The following PRKD1 variants were observed in gnomAD, a reference collection of about 807,000 sequenced individuals.
The protein encoded by PRKD1 is serine/threonine-protein kinase D1.
A neutral mutation model predicts 95.9 loss-of-function variants in PRKD1; 63 were observed. That is an observed-to-expected ratio of 0.66 (90% CI 0.54 to 0.81). PRKD1 has a LOEUF of 0.81. Ranked by LOEUF, PRKD1 falls within the 30% of genes least tolerant of loss-of-function variation. The probability of loss-of-function intolerance (pLI) is 0.00; values close to 1 mark genes in which losing one functional copy is unlikely to be tolerated. For synonymous variants in PRKD1, 425 were observed against 423.1 expected, an observed-to-expected ratio of 1.00 and a Z score of -0.05; for missense variants, 1,048 against 1,165.3, an observed-to-expected ratio of 0.90 and a Z score of 1.47.
intron 1 of PRKD1, among the ~76,000 whole-genome samples, chr14:29,906,021 A>G (rs967906334): frequency 9.2e-5 from 14 of 152,190 alleles, no homozygotes; most frequent in Non-Finnish European, 2.1e-4. Flanking sequence ...AATTTAAAAC[A>G]CATGAGGTGT....
intron 1 of PRKD1, among the ~76,000 whole-genome samples, chr14:29,920,372 G>A (rs1299479550): frequency 6.6e-6 from 1 of 152,056 alleles, no homozygotes; most frequent in Non-Finnish European, 1.5e-5. Context: ...TAAACAAGGT[G>A]ATGGCGCAAG....
intron 1 of PRKD1, among the ~76,000 whole-genome samples, chr14:29,782,727 T>C (rs898742755): frequency 6.6e-6 from 1 of 151,848 alleles, no homozygotes; most frequent in Non-Finnish European, 1.5e-5. Flanking sequence ...TTTTTTTTGG[T>C]TGAGATGGGG....
At chr14:29,841,422 A>T (rs532570749) in intron 1 of PRKD1, among the ~76,000 whole-genome samples, 2 of 152,270 alleles carry the variant, frequency 1.3e-5, no homozygotes, top group South Asian at 4.1e-4. Context: ...CAATTCCCAC[A>T]TGCTGTGGGA....
chr14:29,856,363 C>T (rs1336156490), intron 1 of PRKD1, among the ~76,000 whole-genome samples: 1 of 152,150 alleles, frequency 6.6e-6, no homozygotes, highest in Non-Finnish European at 1.5e-5. Context: ...TGTTGAAATA[C>T]TTGAATAACT....
At position 29,634,478 on chromosome 14, in the gene PRKD1, C is replaced by G; in HGVS notation, c.1254G>C (p.Arg418Ser). The G allele has an allele frequency of 6.2e-7, 1 of 1,614,058 alleles. No individual in the cohort carries two copies. The highest frequency in any genetic ancestry group is 8.5e-7 in the Non-Finnish European group (1 of 1,179,970). The change falls in exon 8 of 18, where the codon AGG (arginine) becomes AGC (serine). Residue 418 changes from arginine (R) to serine (S), a missense_variant. Physicochemically the swap from Arg to Ser is moderately radical, Grantham distance 110 (BLOSUM62 -1). This residue lies in a region of PRKD1 where 739 missense variants were observed against 861.9 expected (regional missense o/e 0.86). Coordinates refer to ENST00000331968, the MANE Select transcript of PRKD1 (RefSeq NM_002742.3). ...RVVQSVKHTK[R>S]KSSTVMKEGW... ...CTTCTTTCATGACTGTGCTGCTTTT[C>G]CTCTTCGTGTGTTTGACAGACTGCA... is the stretch of plus-strand genomic sequence containing the variant.
intron 1 of PRKD1, among the ~76,000 whole-genome samples, chr14:29,747,499 C>T (rs994559034): frequency 1.3e-5 from 2 of 152,138 alleles, no homozygotes; most frequent in Admixed American, 1.3e-4. Flanking sequence ...ACTGCACACA[C>T]ATGTTCATAG....
At chr14:29,743,863 AAC>A (rs1305081936) in intron 1 of PRKD1, among the ~76,000 whole-genome samples, 2 of 152,148 alleles carry the variant, frequency 1.3e-5, no homozygotes, top group African/African-American at 4.8e-5. Context: ...TCTTTCAAAC[AAC>A]ACACTTTCTT....
At chr14:29,719,588 T>C (rs1456200676) in intron 2 of PRKD1, among the ~76,000 whole-genome samples, 5 of 152,226 alleles carry the variant, frequency 3.3e-5, no homozygotes, top group Non-Finnish European at 7.3e-5. Context: ...AGCTCTGGTG[T>C]TACTCCTACT....
chr14:29,794,172 T>C (rs1307769179), intron 1 of PRKD1, among the ~76,000 whole-genome samples: 1 of 152,052 alleles, frequency 6.6e-6, no homozygotes, highest in African/African-American at 2.4e-5. Flanking sequence ...TTTAGACTAT[T>C]TTTGAGTTTT....
At chr14:29,907,334 C>A (rs889364916) in intron 1 of PRKD1, among the ~76,000 whole-genome samples, 1 of 152,162 alleles carries the variant, frequency 6.6e-6, no homozygotes, top group Non-Finnish European at 1.5e-5. Flanking sequence ...AGAACAATTA[C>A]TAGAAAGCAA....
chr14:29,905,900 A>G (rs1894479561), intron 1 of PRKD1, among the ~76,000 whole-genome samples: 1 of 152,226 alleles, frequency 6.6e-6, no homozygotes, highest in African/African-American at 2.4e-5. Context: ...AACTCTCGAG[A>G]AAGTCAACTC....
intron 16 of PRKD1, among the ~76,000 whole-genome samples, chr14:29,581,579 T>C (rs1278606673): frequency 6.6e-6 from 1 of 152,208 alleles, no homozygotes; most frequent in Non-Finnish European, 1.5e-5. Context: ...TCTTAAACAC[T>C]ATGGCAGACT....
chr14:29,852,155 T>A (rs1302704632), intron 1 of PRKD1, among the ~76,000 whole-genome samples: 1 of 151,996 alleles, frequency 6.6e-6, no homozygotes, highest in Non-Finnish European at 1.5e-5. Context: ...TAGTGACAGG[T>A]TAAATCATGC....
chr14:29,912,056 T>G (rs1159802127), intron 1 of PRKD1, among the ~76,000 whole-genome samples: 1 of 152,228 alleles, frequency 6.6e-6, no homozygotes, highest in African/African-American at 2.4e-5. Flanking sequence ...TCTCATTCTT[T>G]GAATCGCTCC....
chr14:29,794,315 T>C (rs1410635353), intron 1 of PRKD1, among the ~76,000 whole-genome samples: 1 of 151,884 alleles, frequency 6.6e-6, no homozygotes, highest in African/African-American at 2.4e-5. Flanking sequence ...TGAATATACA[T>C]GTAAATTCGT....
intron 1 of PRKD1, among the ~76,000 whole-genome samples, chr14:29,764,158 C>T (rs1450625251): frequency 6.6e-6 from 1 of 151,818 alleles, no homozygotes; most frequent in Non-Finnish European, 1.5e-5. Context: ...TGCAAGGGTC[C>T]CAAGCATTAC....
At chr14:29,670,838 A>G (rs1882796431) in intron 2 of PRKD1, among the ~76,000 whole-genome samples, 1 of 152,184 alleles carries the variant, frequency 6.6e-6, no homozygotes, top group Non-Finnish European at 1.5e-5. Context: ...CACATTTCAC[A>G]TTTTTGTTAT....
chr14:29,819,568 T>C (rs1890827033), intron 1 of PRKD1, among the ~76,000 whole-genome samples: 1 of 151,996 alleles, frequency 6.6e-6, no homozygotes, highest in Non-Finnish European at 1.5e-5. Flanking sequence ...CGGGCGCCTG[T>C]AGTCCCAGCT....
At chr14:29,902,811 T>C (rs1272577653) in intron 1 of PRKD1, among the ~76,000 whole-genome samples, 3 of 143,038 alleles carry the variant, frequency 2.1e-5, no homozygotes, top group South Asian at 2.3e-4. Context: ...ACTTTTATTA[T>C]GTATATCATA....
Sources: gnomAD v4.1 joint callset for allele counts (sites outside exome capture counted in the v4.1 genomes callset) on GRCh38, gnomAD v4.1.1 for gene constraint, gnomAD v4.1.1 regional missense constraint, MANE v1.5 for transcripts, NCBI Gene and HGNC (gene_info 2026-07-23, HGNC 2026-07-21) for gene names.